PREX2: variants seen among roughly 807,000 people sequenced by gnomAD.
PREX2 encodes the protein phosphatidylinositol 3,4,5-trisphosphate-dependent Rac exchanger 2 protein.
A neutral mutation model predicts 203.2 loss-of-function variants in PREX2; 107 were observed. That is an observed-to-expected ratio of 0.53 (90% confidence interval 0.45 to 0.62). The LOEUF (loss-of-function observed/expected upper bound fraction) is 0.62. Ranked by LOEUF, PREX2 falls within the 20% of genes least tolerant of loss-of-function variation. The probability of loss-of-function intolerance (pLI) is 0.00; values close to 1 mark genes in which losing one functional copy is unlikely to be tolerated. For synonymous variants in PREX2, 672 were observed against 663.6 expected (o/e 1.01, Z -0.19); for missense variants, 1,777 against 1,955.9 (o/e 0.91, Z 1.72).
At position 68,030,678 on chromosome 8, in the gene PREX2, C is replaced by A; in HGVS notation, c.705+20C>A. On this transcript the variant is annotated intron_variant, in intron 6 of 39. Coordinates refer to ENST00000288368, the MANE Select transcript of PREX2 (RefSeq NM_024870.4). ...TGGGAGGTACATTCACTTTGCTTGA[C>A]AATCGAGCTTAAGATAGTTTTATGT... 2.5e-6 allele frequency: 4 copies of A among 1,612,206 alleles called. No individual in the cohort carries two copies. Among genetic ancestry groups the A allele is most frequent in the Non-Finnish European group, 3.4e-6 (4 of 1,178,558 alleles).
chr8:68,129,399 C>T (rs1386616375), intron 31 of PREX2, among the ~76,000 whole-genome samples: 1 of 151,654 alleles, frequency 6.6e-6, no homozygotes, highest in Admixed American at 6.6e-5. Context: ...ATTTGCTCAC[C>T]CTCTCTCCCC....
chr8:68,075,575 G>T (rs142155972), intron 14 of PREX2, among the ~76,000 whole-genome samples: 1 of 152,234 alleles, frequency 6.6e-6, no homozygotes, highest in South Asian at 2.1e-4. Context: ...GGATTAAATT[G>T]GTTATTGGTA....
intron 35 of PREX2, among the ~76,000 whole-genome samples, chr8:68,176,295 A>G (rs2129614347): frequency 6.6e-6 from 1 of 152,340 alleles, no homozygotes; most frequent in East Asian, 1.9e-4. Flanking sequence ...TGAGCCAGGT[A>G]TGAAAAAATA....
Position 68,236,821 on chromosome 8 carries a change from C to A in PREX2, c.*5443C>A, listed in dbSNP as rs1813272742. ...AAATCCAAAATTTAATGATAAATTT[C>A]ATCTGGATGTGTTATTATAAAAGTC... On this transcript the variant is annotated 3_prime_UTR_variant, in exon 40 of 40. Coordinates refer to ENST00000288368, the MANE Select transcript of PREX2 (RefSeq NM_024870.4). The A allele has an allele frequency of 6.6e-6, 1 of 152,036 alleles. No individual in the cohort carries two copies. The highest frequency in any genetic ancestry group is 6.6e-5 in the Admixed American group (1 of 15,262). 9.4% of individuals were successfully genotyped at this position (152,036 alleles called of 1,614,324 possible). A position where few individuals can be genotyped will look rare whatever the true frequency, so the allele number is the denominator to read the frequency against.
At chr8:68,050,441 A>G (rs1441601917) in intron 8 of PREX2, among the ~76,000 whole-genome samples, 1 of 152,078 alleles carries the variant, frequency 6.6e-6, no homozygotes, top group Non-Finnish European at 1.5e-5. Context: ...GGTTCTATAC[A>G]TTTTAAACAA....
At chr8:67,969,295 A>G (rs980983292) in intron 1 of PREX2, among the ~76,000 whole-genome samples, 2 of 152,180 alleles carry the variant, frequency 1.3e-5, no homozygotes, top group African/African-American at 4.8e-5. Flanking sequence ...TATGAATGCC[A>G]CAGCCAAAGC....
intron 1 of PREX2, among the ~76,000 whole-genome samples, chr8:67,985,331 A>G (rs1441864159): frequency 6.6e-6 from 1 of 151,616 alleles, no homozygotes; most frequent in African/African-American, 2.4e-5. Flanking sequence ...TTCTCTAAGG[A>G]TTGTTTCTTA....
intron 37 of PREX2, among the ~76,000 whole-genome samples, chr8:68,193,686 C>T (rs1317187454): frequency 6.6e-6 from 1 of 152,172 alleles, no homozygotes; most frequent in Non-Finnish European, 1.5e-5. Context: ...AGGAAAGTTA[C>T]AGCTAAAGAG....
chr8:67,978,500 C>T (rs28774672), intron 1 of PREX2, among the ~76,000 whole-genome samples: 89,363 of 151,898 alleles, frequency 0.59, 26,828 homozygotes, highest in African/African-American at 0.7. Flanking sequence ...TTTTCACTTA[C>T]TATGTTTGTG....
At chr8:68,152,822 G>A (rs1043607515) in intron 34 of PREX2, among the ~76,000 whole-genome samples, 2 of 152,176 alleles carry the variant, frequency 1.3e-5, no homozygotes, top group African/African-American at 2.4e-5. Context: ...AGCTTCTGCA[G>A]GCATCTCAAC....
At chr8:68,148,458 A>G (rs1436238483) in intron 34 of PREX2, among the ~76,000 whole-genome samples, 3 of 152,216 alleles carry the variant, frequency 2.0e-5, no homozygotes, top group African/African-American at 7.2e-5. Flanking sequence ...AGATGGCACT[A>G]AGCATCTTTA....
At chr8:68,231,053 C>T (rs370742571) in intron 39 of PREX2, among the ~76,000 whole-genome samples, 22 of 152,178 alleles carry the variant, frequency 1.4e-4, no homozygotes, top group African/African-American at 5.3e-4. Flanking sequence ...GGTGAACAGC[C>T]TGGGCGGTTG....
intron 1 of PREX2, among the ~76,000 whole-genome samples, chr8:67,982,374 A>G (rs1806299123): frequency 6.6e-6 from 1 of 152,128 alleles, no homozygotes; most frequent in Admixed American, 6.6e-5. Flanking sequence ...GTGAGCTATG[A>G]TCCATGCCAT....
chr8:68,031,179 T>A, intron 6 of PREX2, among the ~76,000 whole-genome samples: 1 of 152,192 alleles, frequency 6.6e-6, no homozygotes, highest in East Asian at 1.9e-4. Flanking sequence ...AGGAAATTTT[T>A]TTATGCCAAA....
In PREX2 at chr8:68,118,580, C is replaced by T; in HGVS notation, c.3357C>T (p.Ala1119=). Residue 1119 remains alanine (A), a synonymous_variant, in exon 27 of 40, where the codon GCC becomes GCT. Coordinates refer to ENST00000288368, the MANE Select transcript of PREX2 (RefSeq NM_024870.4). ...GCAACAGCAATAGGAATTCCATCGC[C>T]TCCTTCACCAGCATCTGCAGCAGCC... ...SDCNSNRNSI[A]SFTSICSSQC... is the part of the protein sequence containing the mutation. The T allele has an allele frequency of 6.2e-7, 1 of 1,614,068 alleles. No homozygotes were observed. Among genetic ancestry groups the T allele is most frequent in the East Asian group, 2.2e-5 (1 of 44,878 alleles).
chr8:68,120,064 G>A (rs977356590), intron 28 of PREX2, 132 bp from the exon 29 acceptor site: 22 of 545,932 alleles, frequency 4.0e-5, no homozygotes, highest in Admixed American at 1.0e-4. Context: ...TGTAAAGATC[G>A]ATTTCACAAG....
Position 68,069,066 on chromosome 8 carries a change from T to C in PREX2, c.1373T>C (p.Met458Thr), listed in dbSNP as rs1310956602. 1 of 1,550,736 alleles carries C rather than the reference T, an allele frequency of 6.4e-7. No individual in the cohort carries two copies. Among genetic ancestry groups the C allele is most frequent in the African/African-American group, 1.4e-5 (1 of 71,400 alleles). ...TDKHQFKPEQMLYRFRYDDGT... is the reference protein window; with the variant it reads ...TDKHQFKPEQTLYRFRYDDGT... ...AAACATCAATTCAAACCAGAACAGA[T>C]GTTATATAGATTTCGCTATGATGAT... The change falls in exon 12 of 40, where the codon ATG (methionine) becomes ACG (threonine). Residue 458 changes from methionine to threonine, a missense_variant. Transcript: ENST00000288368.
In PREX2 at chr8:68,074,020, G is replaced by T. The variant is rs184004180; in HGVS notation, c.1569+1450G>T. Among the ~76,000 whole-genome samples, 406 of 151,908 alleles carry T rather than the reference G, an allele frequency of 2.7e-3. 1 individual carries two copies. The highest frequency in any genetic ancestry group is 9.0e-3 in the African/African-American group (374 of 41,408). On this transcript the variant is annotated intron_variant, in intron 14 of 39. Coordinates refer to ENST00000288368, the MANE Select transcript of PREX2 (RefSeq NM_024870.4). ...CTCACTTGGTTGCCTGGGCTGGAGT[G>T]CAGTGGCTCAATCTCGGCTCACTGC...
At chr8:68,067,533 T>C (rs1809054118) in intron 11 of PREX2, among the ~76,000 whole-genome samples, 2 of 152,070 alleles carry the variant, frequency 1.3e-5, no homozygotes, top group African/African-American at 4.8e-5. Context: ...AACATTTCTT[T>C]TTTCCATAGT....
Sources: allele counts gnomAD v4.1 joint callset (sites outside exome capture counted in the v4.1 genomes callset), GRCh38; gene constraint gnomAD v4.1.1; transcripts MANE v1.5; gene names NCBI Gene and HGNC (gene_info 2026-07-23, HGNC 2026-07-21).